Variants in ADGRL3 observed in about 807,000 individuals in gnomAD.
ADGRL3 encodes the protein calcium-independent alpha-latrotoxin receptor 3.
Under a neutral mutation model 153.5 loss-of-function variants are expected in ADGRL3, and 62 were observed. That is an observed-to-expected ratio of 0.40 (90% confidence interval 0.33 to 0.50). The LOEUF (loss-of-function observed/expected upper bound fraction) is 0.50. ADGRL3 is among the 20% of genes least tolerant of loss of function. The pLI, the probability that ADGRL3 is intolerant of heterozygous loss-of-function variation, is 0.47. For synonymous variants in ADGRL3, 710 were observed against 672.5 expected (o/e 1.06, Z -0.86); for missense variants, 1,641 against 1,859.4 (o/e 0.88, Z 2.16).
At chr4:61,330,720 T>C (rs982758091) in intron 1 of ADGRL3, among the ~76,000 whole-genome samples, 13 of 152,096 alleles carry the variant, frequency 8.5e-5, no homozygotes, top group African/African-American at 3.1e-4. Flanking sequence ...AAGCTTCCAC[T>C]GCGTGGAAAG....
intron 25 of ADGRL3, among the ~76,000 whole-genome samples, chr4:62,065,776 T>TAAAGTAAGATATC (rs1742656652): frequency 6.6e-6 from 1 of 152,010 alleles, no homozygotes; most frequent in Non-Finnish European, 1.5e-5. Flanking sequence ...TTACTTTATT[T>TAAAGTAAGATATC]TTACTGGTAT....
chr4:62,016,446 G>C (rs1436265843), intron 21 of ADGRL3, among the ~76,000 whole-genome samples: 2 of 152,096 alleles, frequency 1.3e-5, no homozygotes, highest in Non-Finnish European at 2.9e-5. Flanking sequence ...TATGTAATGA[G>C]CTAAGTTTCC....
chr4:61,907,511 C>G (rs1042430956), intron 11 of ADGRL3, among the ~76,000 whole-genome samples: 2 of 151,844 alleles, frequency 1.3e-5, no homozygotes, highest in South Asian at 4.2e-4. Context: ...CCCGCCTCAG[C>G]CTCCCAAAGT....
At position 61,519,559 on chromosome 4, in the gene ADGRL3, T is replaced by C. The variant is rs116494346; in HGVS notation, c.259+2041T>C. Among the ~76,000 whole-genome samples, 1,285 of 152,312 alleles carry C rather than the reference T, an allele frequency of 8.4e-3. 22 individuals carry two copies. Among genetic ancestry groups the C allele is most frequent in the African/African-American group, 0.029 (1,206 of 41,578 alleles). ...AAGGAGACAGAGAATAAAGGTCATC[T>C]TAGAATATTCCCTGTAGAAAGAATA... On this transcript the variant is annotated intron_variant, in intron 4 of 26. Transcript: ENST00000683033.
chr4:62,051,164 G>T (rs1733934736), intron 25 of ADGRL3, among the ~76,000 whole-genome samples: 1 of 53,550 alleles, frequency 1.9e-5, no homozygotes, highest in Non-Finnish European at 3.6e-5. Context: ...ACGTGTGTGT[G>T]TGTGTATATA....
intron 8 of ADGRL3, among the ~76,000 whole-genome samples, chr4:61,767,391 A>G (rs1472413606): frequency 6.6e-6 from 1 of 151,960 alleles, no homozygotes; most frequent in Non-Finnish European, 1.5e-5. Flanking sequence ...AATACCCACA[A>G]CAGTTATGGA....
In ADGRL3 at chr4:61,519,150, ACT is replaced by A. The variant is rs531711467; in HGVS notation, c.259+1639_259+1640del. 1.1e-3 allele frequency among the ~76,000 whole-genome samples: 175 copies of A among 152,238 alleles called. 1 individual carries two copies. Among genetic ancestry groups the A allele is most frequent in the African/African-American group, 4.0e-3 (167 of 41,556 alleles). ...AAACACAAACACATAGCTGCTGGAA[ACT>A]CTCTCTTCTGACAAAAATTCAGAAT... On this transcript the variant is annotated intron_variant, in intron 4 of 26. Coordinates refer to ENST00000683033, the MANE Select transcript of ADGRL3 (RefSeq NM_001387552.1).
chr4:61,936,636 C>T (rs560933949), intron 15 of ADGRL3, among the ~76,000 whole-genome samples: 11 of 151,802 alleles, frequency 7.2e-5, no homozygotes, highest in African/African-American at 1.7e-4. Context: ...AATGTTTAAA[C>T]GTACACACAT....
chr4:61,638,062 C>A (rs1052630665), intron 5 of ADGRL3, among the ~76,000 whole-genome samples: 4 of 152,036 alleles, frequency 2.6e-5, no homozygotes, highest in Admixed American at 6.6e-5. Context: ...TAAATGAAAA[C>A]CTTCATCCAC....
chr4:61,814,894 C>G (rs537256867), intron 9 of ADGRL3, among the ~76,000 whole-genome samples: 1 of 152,148 alleles, frequency 6.6e-6, no homozygotes, highest in African/African-American at 2.4e-5. Context: ...ACCTAAGACA[C>G]TGGATTTTAT....
At chr4:61,636,372 A>C (rs553635243) in intron 5 of ADGRL3, among the ~76,000 whole-genome samples, 8 of 152,196 alleles carry the variant, frequency 5.3e-5, no homozygotes, top group Non-Finnish European at 1.0e-4. Flanking sequence ...TAAATATATG[A>C]AGGGGCTTAT....
chr4:62,027,855 G>T (rs1384193200), intron 21 of ADGRL3, among the ~76,000 whole-genome samples: 3 of 151,850 alleles, frequency 2.0e-5, no homozygotes, highest in Non-Finnish European at 4.4e-5. Flanking sequence ...ACAACCACAG[G>T]TTAATTAATT....
intron 26 of ADGRL3, among the ~76,000 whole-genome samples, chr4:62,068,529 A>G (rs541836640): frequency 6.6e-6 from 1 of 152,196 alleles, no homozygotes; most frequent in Non-Finnish European, 1.5e-5. Context: ...CAACATATCC[A>G]CTTTATTTTA....
chr4:61,224,274 G>A (rs1484652392), intron 1 of ADGRL3, among the ~76,000 whole-genome samples: 1 of 151,978 alleles, frequency 6.6e-6, no homozygotes, highest in African/African-American at 2.4e-5. Flanking sequence ...TTTAACATGT[G>A]TTTATGTATC....
intron 8 of ADGRL3, among the ~76,000 whole-genome samples, chr4:61,737,717 A>G (rs2096535578): frequency 6.6e-6 from 1 of 152,192 alleles, no homozygotes. Flanking sequence ...GCCCTTTTAA[A>G]GCACTGCAGC....
At chr4:61,796,699 T>C (rs531037422) in intron 8 of ADGRL3, among the ~76,000 whole-genome samples, 1 of 152,352 alleles carries the variant, frequency 6.6e-6, no homozygotes, top group South Asian at 2.1e-4. Flanking sequence ...GGATAGCCTC[T>C]ATTTTTTGGT....
At chr4:61,367,700 G>A (rs112933896) in intron 1 of ADGRL3, among the ~76,000 whole-genome samples, 82,956 of 124,582 alleles carry the variant, frequency 0.67, 24,082 homozygotes, top group Middle Eastern at 0.78. Flanking sequence ...ATAAACATAC[G>A]TGTGCATGTG....
chr4:61,372,716 A>G (rs1371605994), intron 1 of ADGRL3, among the ~76,000 whole-genome samples: 1 of 152,148 alleles, frequency 6.6e-6, no homozygotes, highest in Non-Finnish European at 1.5e-5. Flanking sequence ...GGTGGAGCCT[A>G]CAGAGGCAGG....
At chr4:61,691,620 T>G (rs1165187555) in intron 6 of ADGRL3, among the ~76,000 whole-genome samples, 1 of 152,200 alleles carries the variant, frequency 6.6e-6, no homozygotes. Flanking sequence ...ACACAAGTAG[T>G]GCTTGATAAA....
Sources: allele counts gnomAD v4.1 joint callset (sites outside exome capture counted in the v4.1 genomes callset), GRCh38; gene constraint gnomAD v4.1.1; transcripts MANE v1.5; gene names NCBI Gene and HGNC (gene_info 2026-07-23, HGNC 2026-07-21).